Variants in CADPS observed in about 807,000 individuals in gnomAD.
The protein encoded by CADPS is calcium dependent secretion activator.
A neutral mutation model predicts 167.3 loss-of-function variants in CADPS; 57 were observed. The ratio of observed to expected loss-of-function variants is 0.34; its 90% CI spans 0.28 to 0.42. CADPS has a LOEUF of 0.42. CADPS is among the 20% of genes least tolerant of loss of function. The pLI, the probability that CADPS is intolerant of heterozygous loss-of-function variation, is 1.00. For missense variants in CADPS, 1,414 were observed against 1,738.1 expected (o/e 0.81, Z 3.32); for synonymous variants, 676 against 635.3 (o/e 1.06, Z -0.96).
chr3:62,717,103 A>T (rs750087653), intron 3 of CADPS, among the ~76,000 whole-genome samples: 1 of 152,198 alleles, frequency 6.6e-6, no homozygotes, highest in African/African-American at 2.4e-5. Context: ...TCTATATGCA[A>T]ATATCTCCAT....
intron 3 of CADPS, among the ~76,000 whole-genome samples, chr3:62,705,217 T>C (rs1352275000): frequency 6.6e-6 from 1 of 152,110 alleles, no homozygotes; most frequent in Non-Finnish European, 1.5e-5. Flanking sequence ...CCAAACAGTG[T>C]CTGGGGTGAG....
chr3:62,821,179 ATTTG>A (rs1336430775), intron 1 of CADPS, among the ~76,000 whole-genome samples: 1 of 152,104 alleles, frequency 6.6e-6, no homozygotes, highest in Non-Finnish European at 1.5e-5. Context: ...ACTAGTCTGT[ATTTG>A]TTTGCTATTG....
intron 3 of CADPS, among the ~76,000 whole-genome samples, chr3:62,699,056 A>C (rs1019921778): frequency 6.6e-6 from 1 of 152,024 alleles, no homozygotes; most frequent in African/African-American, 2.4e-5. Flanking sequence ...AAATTTTGGC[A>C]CACCCATCAC....
At chr3:62,557,731 T>C (rs1245708619) in intron 9 of CADPS, among the ~76,000 whole-genome samples, 2 of 152,192 alleles carry the variant, frequency 1.3e-5, no homozygotes, top group East Asian at 3.9e-4. Context: ...ACCTACCTCA[T>C]TGGCTTACTG....
chr3:62,771,656 A>G (rs1057444333), intron 1 of CADPS, among the ~76,000 whole-genome samples: 11 of 152,198 alleles, frequency 7.2e-5, no homozygotes, highest in African/African-American at 2.7e-4. Flanking sequence ...CCACTTGTAC[A>G]TCAAGGTCAG....
In CADPS at chr3:62,591,110, G is replaced by A. The variant is rs567960098; in HGVS notation, c.1437+1527C>T. Among the ~76,000 whole-genome samples, 50 of 152,206 alleles carry A rather than the reference G, an allele frequency of 3.3e-4. No homozygotes were observed. In the South Asian group the frequency reaches 8.5e-3, roughly 26 times the overall value. The stretch of plus-strand genomic sequence containing the variant: ...TGACCTCAGGCGATCCACCCGCCTC[G>A]GCCTCCTAATGTGCTGGGGTTACAG... On this transcript the variant is annotated intron_variant, in intron 7 of 29. Coordinates refer to ENST00000383710, the MANE Select transcript of CADPS (RefSeq NM_003716.4).
chr3:62,693,013 C>G (rs2079483273), intron 3 of CADPS, among the ~76,000 whole-genome samples: 1 of 135,440 alleles, frequency 7.4e-6, no homozygotes, highest in African/African-American at 2.8e-5. Context: ...GTTGTTTTTT[C>G]TTCAATCGTT....
At chr3:62,723,334 T>C (rs2076155833) in intron 3 of CADPS, among the ~76,000 whole-genome samples, 1 of 152,128 alleles carries the variant, frequency 6.6e-6, no homozygotes, top group South Asian at 2.1e-4. Flanking sequence ...CTCTAAATCA[T>C]CTTAAACTCT....
intron 28 of CADPS, among the ~76,000 whole-genome samples, chr3:62,406,062 C>A (rs948205166): frequency 3.0e-4 from 45 of 152,216 alleles, no homozygotes; most frequent in African/African-American, 1.1e-3. Flanking sequence ...TCCAAGATAG[C>A]CACAGCATTG....
chr3:62,452,272 T>C (rs1287764532), intron 26 of CADPS, among the ~76,000 whole-genome samples: 2 of 152,210 alleles, frequency 1.3e-5, no homozygotes, highest in African/African-American at 4.8e-5. Context: ...TCAGGTTGTT[T>C]TAGTGAATTG....
chr3:62,874,886 C>T lies in CADPS; in HGVS notation c.144G>A (p.Leu48=), dbSNP rs1342131216. ...CTCCGGCGCCGGCGCCGCCGCCCCC[C>T]AGCCCGGCGCTGCCGGCCGAGCCCT... The part of the protein sequence containing the change: ...TSEGSAGSAG[L]GGGGAGAGAG... Residue 48 remains leucine, a synonymous_variant, in exon 1 of 30, where the codon CTG becomes CTA. Coordinates refer to ENST00000383710, the MANE Select transcript of CADPS (RefSeq NM_003716.4). This position sits in a 1 kb window ranked among gnomAD's most constrained non-coding sequence, Gnocchi z 7.1. 4.0e-6 allele frequency: 5 copies of T among 1,256,326 alleles called. No individual in the cohort carries two copies. In the African/African-American group the frequency reaches 4.7e-5, roughly 12 times the overall value. The allele number at this position is 1,256,326 out of a possible 1,614,324, so 77.8% of individuals were successfully genotyped here.
chr3:62,465,527 C>T lies in CADPS; in HGVS notation c.3553-77G>A. The stretch of plus-strand genomic sequence containing the variant: ...ACCATAAAGCACATCATTTCCCCAC[C>T]ACATAAAGGCTGGGATCGAGCCCTC... On this transcript the variant is annotated intron_variant, in intron 25 of 29. Transcript: ENST00000383710. This position sits in a 1 kb window ranked among gnomAD's most constrained non-coding sequence, Gnocchi z 4.1. 1.0e-6 allele frequency: 1 copy of T among 984,710 alleles called. No homozygotes were observed. 61.0% of individuals were successfully genotyped at this position (984,710 alleles called of 1,614,324 possible). A position where few individuals can be genotyped will look rare whatever the true frequency, so the allele number is the denominator to read the frequency against.
At chr3:62,508,888 G>T (rs915347538) in intron 17 of CADPS, among the ~76,000 whole-genome samples, 1 of 151,672 alleles carries the variant, frequency 6.6e-6, no homozygotes, top group Non-Finnish European at 1.5e-5. Flanking sequence ...AATCTTTCTT[G>T]GTGACAGTGT....
chr3:62,787,232 T>C (rs1020116951), intron 1 of CADPS, among the ~76,000 whole-genome samples: 6 of 151,948 alleles, frequency 3.9e-5, no homozygotes, highest in East Asian at 3.9e-4. Flanking sequence ...GAGGCGGAGG[T>C]TGTAGTGAGC....
chr3:62,597,111 T>A (rs1169624526), intron 6 of CADPS, among the ~76,000 whole-genome samples: 1 of 152,186 alleles, frequency 6.6e-6, no homozygotes, highest in African/African-American at 2.4e-5. Flanking sequence ...CCTAGTGCTT[T>A]TGGAGGCCAG....
chr3:62,744,576 G>T (rs2081045837), intron 3 of CADPS, among the ~76,000 whole-genome samples: 2 of 152,208 alleles, frequency 1.3e-5, no homozygotes, highest in Non-Finnish European at 2.9e-5. Context: ...GCAAGGCTGT[G>T]CTAGATGGCT....
intron 3 of CADPS, among the ~76,000 whole-genome samples, chr3:62,730,884 C>A (rs2077643867): frequency 6.6e-6 from 1 of 152,170 alleles, no homozygotes; most frequent in South Asian, 2.1e-4. Flanking sequence ...GCCATTTGGG[C>A]CCAGGCTTCT....
intron 26 of CADPS, among the ~76,000 whole-genome samples, chr3:62,449,798 AGTGTGT>A (rs71786216): frequency 6.6e-6 from 1 of 150,418 alleles, no homozygotes; most frequent in Non-Finnish European, 1.5e-5. Context: ...TTGTTAAAAG[AGTGTGT>A]GTGTGTGTGT....
intron 21 of CADPS, among the ~76,000 whole-genome samples, chr3:62,488,134 T>C (rs1211218145): frequency 6.6e-6 from 1 of 152,232 alleles, no homozygotes; most frequent in Non-Finnish European, 1.5e-5. Context: ...TAAATCTATT[T>C]ACCTAAGTTA....
Sources: gnomAD v4.1 joint callset for allele counts (sites outside exome capture counted in the v4.1 genomes callset) on GRCh38, gnomAD v4.1.1 for gene constraint, Gnocchi (gnomAD v3.1) non-coding constraint, MANE v1.5 for transcripts, NCBI Gene and HGNC (gene_info 2026-07-23, HGNC 2026-07-21) for gene names.